The following SPATA6L variants were observed in gnomAD, a reference collection of about 807,000 sequenced individuals.
SPATA6L encodes the protein spermatogenesis associated 6-like protein.
In SPATA6L, 68 loss-of-function variants were observed where a neutral mutation model predicts 49.2. The ratio of observed to expected loss-of-function variants is 1.38; its 90% CI spans 1.14 to 1.69. The LOEUF is 1.69. SPATA6L is among the 40% of genes most tolerant of loss of function. The probability of loss-of-function intolerance (pLI) is 0.00; values close to 1 mark genes in which losing one functional copy is unlikely to be tolerated. For synonymous variants in SPATA6L, 198 were observed against 165.7 expected, an observed-to-expected ratio of 1.19 and a Z score of -1.50; for missense variants, 668 against 464.3, an observed-to-expected ratio of 1.44 and a Z score of -4.03.
chr9:4,660,011 C>T (rs1439174106), intron 2 of SPATA6L, among the ~76,000 whole-genome samples: 2 of 152,202 alleles, frequency 1.3e-5, no homozygotes, highest in East Asian at 3.8e-4. Flanking sequence ...TTTCCTTACA[C>T]CTTATACAAA....
chr9:4,638,081 C>T (rs1040166516), intron 3 of SPATA6L, among the ~76,000 whole-genome samples: 2 of 152,112 alleles, frequency 1.3e-5, no homozygotes, highest in African/African-American at 2.4e-5. Context: ...CAGGAGCTTA[C>T]AGTCTAAGAG....
intron 3 of SPATA6L, among the ~76,000 whole-genome samples, chr9:4,639,290 T>C (rs1023360975): frequency 5.3e-5 from 8 of 152,274 alleles, no homozygotes; most frequent in African/African-American, 1.9e-4. Flanking sequence ...AGGCCTTTCC[T>C]TTTTCCTCTT....
chr9:4,648,457 T>C (rs1306290596), intron 3 of SPATA6L, among the ~76,000 whole-genome samples: 2 of 152,116 alleles, frequency 1.3e-5, no homozygotes, highest in Non-Finnish European at 2.9e-5. Context: ...CCCAGCACTT[T>C]GGGAGGCCGA....
chr9:4,641,776 C>G (rs1229529514), intron 3 of SPATA6L, among the ~76,000 whole-genome samples: 1 of 152,120 alleles, frequency 6.6e-6, no homozygotes, highest in Non-Finnish European at 1.5e-5. Flanking sequence ...TTGTTTTGTT[C>G]TGTTTTGTTT....
chr9:4,618,216 G>A, intron 8 of SPATA6L, 106 bp from the exon 9 acceptor site: 2 of 922,072 alleles, frequency 2.2e-6, no homozygotes, highest in South Asian at 3.7e-5. Flanking sequence ...TAAGATGACA[G>A]AATATTTGCC....
At chr9:4,604,336 G>T in intron 10 of SPATA6L, 67 bp from the exon 11 acceptor site, 1 of 1,061,946 alleles carries the variant, frequency 9.4e-7, no homozygotes, top group Non-Finnish European at 1.4e-6. Context: ...ATACCCAGAT[G>T]TGTAGTTTTG....
intron 3 of SPATA6L, among the ~76,000 whole-genome samples, chr9:4,643,975 C>T (rs1339039970): frequency 6.6e-6 from 1 of 151,670 alleles, no homozygotes. Flanking sequence ...TCACTGCACT[C>T]CAGCCTGGGC....
Position 4,606,526 on chromosome 9 carries a change from C to T in SPATA6L, c.996-1086G>A, listed in dbSNP as rs368285513. 8.2e-3 allele frequency among the ~76,000 whole-genome samples: 311 copies of T among 37,866 alleles called. 69 individuals carry two copies. Among genetic ancestry groups the T allele is most frequent in the Middle Eastern group, 0.059 (2 of 34 alleles). 24.8% of individuals were successfully genotyped at this position (37,866 alleles called of 152,430 possible). On this transcript the variant is annotated intron_variant, in intron 9 of 11. Transcript: ENST00000682582. ...AGCAGCCTAACTGGGAGGCACCCCC[C>T]AGCAGGGGCACACTGACACCTCACA... is the stretch of plus-strand genomic sequence containing the variant.
intron 9 of SPATA6L, among the ~76,000 whole-genome samples, chr9:4,607,803 T>G (rs1036372806): frequency 2.4e-4 from 36 of 152,100 alleles, no homozygotes; most frequent in African/African-American, 8.4e-4. Flanking sequence ...AATATTAATT[T>G]TAAATGTAAA....
At position 4,663,137 on chromosome 9, in the gene SPATA6L, G is replaced by A. The variant is rs150312936; in HGVS notation, c.40-1101C>T. The stretch of plus-strand genomic sequence containing the variant: ...TGGGCCTATCCAGGGTCATGCTGGG[G>A]CGGCACAATGTCACCGACGTAGCTT... On this transcript the variant is annotated intron_variant, in intron 1 of 11. Coordinates refer to ENST00000682582, the MANE Select transcript of SPATA6L (RefSeq NM_001353486.2). The A allele has an allele frequency of 2.1e-4, 339 of 1,614,108 alleles. No homozygotes were observed. The African/African-American group carries it at 3.9e-3, about 19-fold the overall frequency.
At chr9:4,620,254 CA>C (rs1828973281) in intron 7 of SPATA6L, among the ~76,000 whole-genome samples, 2 of 151,986 alleles carry the variant, frequency 1.3e-5, no homozygotes, top group African/African-American at 4.8e-5. Context: ...CATGTGGTCT[CA>C]TAACCTCCTT....
intron 10 of SPATA6L, 127 bp from the exon 11 acceptor site, chr9:4,604,396 A>C: frequency 1.8e-6 from 1 of 570,304 alleles, no homozygotes; most frequent in Non-Finnish European, 3.1e-6. Flanking sequence ...GGGGTTCACT[A>C]TATATGTGTG....
At chr9:4,611,769 G>T (rs1219630229) in intron 9 of SPATA6L, among the ~76,000 whole-genome samples, 1 of 151,474 alleles carries the variant, frequency 6.6e-6, no homozygotes, top group Non-Finnish European at 1.5e-5. Flanking sequence ...TGCACAATGT[G>T]CACATGTACC....
At chr9:4,626,320 A>C in intron 5 of SPATA6L, 1 of 1,197,360 alleles carries the variant, frequency 8.4e-7, no homozygotes, top group South Asian at 1.5e-5. Context: ...CCCCCTGTTC[A>C]GATTTGAGTC....
chr9:4,659,437 G>C (rs1420497511), intron 2 of SPATA6L, among the ~76,000 whole-genome samples: 1 of 151,258 alleles, frequency 6.6e-6, no homozygotes, highest in Admixed American at 6.6e-5. Flanking sequence ...TTGCTTCAAA[G>C]AGAATAAAAT....
At chr9:4,638,846 G>A (rs1281536993) in intron 3 of SPATA6L, among the ~76,000 whole-genome samples, 3 of 150,134 alleles carry the variant, frequency 2.0e-5, no homozygotes, top group Admixed American at 6.6e-5. Context: ...GTGCAATGGC[G>A]TAGTCTCAGC....
chr9:4,626,418 A>G (rs1031160422), intron 5 of SPATA6L: 1 of 1,303,984 alleles, frequency 7.7e-7, no homozygotes, highest in Non-Finnish European at 1.0e-6. Context: ...AGCTCATCCA[A>G]GTCCCACCTT....
intron 3 of SPATA6L, among the ~76,000 whole-genome samples, chr9:4,651,482 A>G (rs1836837952): frequency 6.6e-6 from 1 of 152,212 alleles, no homozygotes; most frequent in South Asian, 2.1e-4. Context: ...AGGACAGAAC[A>G]TACCCCAACA....
chr9:4,606,277 C>G (rs4317627), intron 9 of SPATA6L, among the ~76,000 whole-genome samples: 77,918 of 140,118 alleles, frequency 0.56, 26,874 homozygotes, highest in Non-Finnish European at 0.74. Context: ...CCGGAAGCTC[C>G]AACTGGGTGG....
Sources: gnomAD v4.1 joint callset for allele counts (sites outside exome capture counted in the v4.1 genomes callset) on GRCh38, gnomAD v4.1.1 for gene constraint, MANE v1.5 for transcripts, NCBI Gene and HGNC (gene_info 2026-07-23, HGNC 2026-07-21) for gene names.